TYW3: variants seen among roughly 807,000 people sequenced by gnomAD.
TYW3 encodes tRNA wybutosine-synthesizing protein 3 homolog.
TYW3 carries 26 observed loss-of-function variants against 23.1 expected under a neutral mutation model. The observed-to-expected ratio is 1.13, with a 90% CI of 0.83 to 1.56. The LOEUF is 1.56. Ranked by LOEUF, TYW3 falls within the 40% of genes most tolerant of loss-of-function variation. The pLI is 0.00. For missense variants in TYW3, 316 were observed against 311.9 expected (o/e 1.01, Z -0.10); for synonymous variants, 102 against 105.7 (o/e 0.97, Z 0.21).
chr1:74,764,155 G>C lies in TYW3; in HGVS notation c.*42G>C. 6.5e-7 allele frequency: 1 copy of C among 1,529,064 alleles called. No individual in the cohort carries two copies. Among genetic ancestry groups the C allele is most frequent in the Non-Finnish European group, 8.9e-7 (1 of 1,124,470 alleles). 94.7% of individuals were successfully genotyped at this position (1,529,064 alleles called of 1,614,324 possible). A position where few individuals can be genotyped will look rare whatever the true frequency, so the allele number is the denominator to read the frequency against. On this transcript the variant is annotated 3_prime_UTR_variant, in exon 6 of 6. Coordinates refer to ENST00000370867, the MANE Select transcript of TYW3 (RefSeq NM_138467.3). ...GTCTTGGCCGTAATGTTTCTAGTAG[G>C]TTTTATAAAGCTGCTCTTCATAAGA...
At chr1:74,749,889 G>GT (rs1416675145) in intron 4 of TYW3, among the ~76,000 whole-genome samples, 1 of 152,142 alleles carries the variant, frequency 6.6e-6, no homozygotes. Flanking sequence ...CCAGGAGGTG[G>GT]AAGTTGCAGT....
chr1:74,741,165 A>T (rs277399), intron 3 of TYW3, among the ~76,000 whole-genome samples: 151,799 of 152,350 alleles, frequency 1, 75,628 homozygotes, highest in East Asian at 1. Flanking sequence ...TGCTGCTAGA[A>T]AATATGATGA....
At chr1:74,763,812 C>A in intron 5 of TYW3, 82 bp from the exon 6 acceptor site, 1 of 1,054,164 alleles carries the variant, frequency 9.5e-7, no homozygotes, top group Non-Finnish European at 1.4e-6. Context: ...GTCAAATTTA[C>A]ATAACTTATA....
chr1:74,762,274 G>T (rs1266055299), intron 5 of TYW3, among the ~76,000 whole-genome samples: 2 of 152,112 alleles, frequency 1.3e-5, no homozygotes, highest in African/African-American at 4.8e-5. Context: ...GGCTTCGTAA[G>T]TAGAACTTAG....
intron 3 of TYW3, chr1:74,748,515 A>G (rs1465621739): frequency 2.3e-6 from 1 of 444,194 alleles, no homozygotes; most frequent in Non-Finnish European, 4.0e-6. Context: ...TTGTGATTGA[A>G]TTCTACTTTT....
intron 3 of TYW3, among the ~76,000 whole-genome samples, chr1:74,743,601 T>G (rs1414151281): frequency 6.6e-6 from 1 of 152,136 alleles, no homozygotes; most frequent in African/African-American, 2.4e-5. Context: ...ATTCATGGGC[T>G]TTTTCCTAAT....
At chr1:74,747,199 T>C (rs958105145) in intron 3 of TYW3, among the ~76,000 whole-genome samples, 1 of 152,140 alleles carries the variant, frequency 6.6e-6, no homozygotes, top group Non-Finnish European at 1.5e-5. Flanking sequence ...GCAGTGGATG[T>C]GGCAAGAGCT....
chr1:74,745,340 C>A (rs1018434049), intron 3 of TYW3, among the ~76,000 whole-genome samples: 33 of 152,202 alleles, frequency 2.2e-4, no homozygotes, highest in Admixed American at 4.6e-4. Context: ...TTTGGCCCCA[C>A]CCACATCCTG....
At position 74,738,785 on chromosome 1, in the gene TYW3, T is replaced by A. The variant is rs1273074456; in HGVS notation, c.351T>A (p.Ile117=). The A allele has an allele frequency of 6.2e-7, 1 of 1,607,636 alleles. No individual in the cohort carries two copies. Among genetic ancestry groups the A allele is most frequent in the African/African-American group, 1.3e-5 (1 of 74,854 alleles). ...VQCRQLQDAQ[I]LHSMAIDSGF... ...GTCGACAATTGCAGGATGCACAGAT[T>A]CTGGTAAAATTTTGTTGTAATTGTA... The change falls in exon 3 of 6, where the codon ATT becomes ATA. Residue 117 remains isoleucine, a synonymous_variant. Transcript: ENST00000370867.
At chr1:74,748,906 G>A in intron 4 of TYW3, 84 bp downstream of exon 4, 3 of 1,214,320 alleles carry the variant, frequency 2.5e-6, no homozygotes, top group Non-Finnish European at 3.6e-6. Context: ...TGCCTTTAAT[G>A]TCTCCTTTCT....
chr1:74,738,574 AAAT>A (rs1489305449), intron 2 of TYW3, 113 bp from the exon 3 acceptor site: 13 of 586,500 alleles, frequency 2.2e-5, no homozygotes, highest in Non-Finnish European at 3.5e-5. Context: ...ACTGCAGAAA[AAAT>A]ATGCTGAGTG....
chr1:74,750,328 C>T (rs1166539177), intron 4 of TYW3: 1 of 152,276 alleles, frequency 6.6e-6, no homozygotes, highest in African/African-American at 2.4e-5. Flanking sequence ...CTTTGGGAGG[C>T]TGAGGTGGGT....
intron 3 of TYW3, among the ~76,000 whole-genome samples, chr1:74,745,302 G>A (rs994095565): frequency 3.3e-5 from 5 of 152,200 alleles, no homozygotes; most frequent in Non-Finnish European, 7.3e-5. Flanking sequence ...GCCACTGCTG[G>A]CTCGAGTGGC....
chr1:74,762,174 A>ACAGGATGTG lies in TYW3; in HGVS notation c.561-1719_561-1711dup, dbSNP rs555677706. 5.9e-5 allele frequency among the ~76,000 whole-genome samples: 9 copies of ACAGGATGTG among 152,234 alleles called. No individual in the cohort carries two copies. The East Asian group carries it at 1.5e-3, about 26-fold the overall frequency. On this transcript the variant is annotated intron_variant, in intron 5 of 5. Coordinates refer to ENST00000370867, the MANE Select transcript of TYW3 (RefSeq NM_138467.3). Reference sequence around the variant, plus strand: ...TGAGTGCATAAGTTCTTGAAAATGGACAGGATGTGTACTCATCATGTTGTA... The same window carrying ACAGGATGTG: ...TGAGTGCATAAGTTCTTGAAAATGGACAGGATGTGCAGGATGTGTACTCATCATGTTGTA...
chr1:74,748,735 T>C lies in TYW3; in HGVS notation c.355-16T>C, dbSNP rs755791502. On this transcript the variant is annotated splice_polypyrimidine_tract_variant and intron_variant, in intron 3 of 5. Coordinates refer to ENST00000370867, the MANE Select transcript of TYW3 (RefSeq NM_138467.3). ...ACCCACAGTATCAAAATGTAACAAG[T>C]TTTATTTTCTTACAGCATTCCATGG... 10 of 1,612,770 alleles carry C rather than the reference T, an allele frequency of 6.2e-6. No homozygotes were observed. The East Asian group carries it at 1.6e-4, about 25-fold the overall frequency.
chr1:74,752,733 G>T (rs1648830238), intron 5 of TYW3, among the ~76,000 whole-genome samples: 1 of 152,068 alleles, frequency 6.6e-6, no homozygotes, highest in Admixed American at 6.6e-5. Flanking sequence ...GCAGCCACAG[G>T]AACTGTAACT....
At chr1:74,738,848 G>A in intron 3 of TYW3, 60 bp downstream of exon 3, 2 of 1,254,786 alleles carry the variant, frequency 1.6e-6, no homozygotes, top group Non-Finnish European at 2.3e-6. Flanking sequence ...GTAATTTTAA[G>A]CTTTTAACCT....
chr1:74,743,090 T>C (rs1483368670), intron 3 of TYW3, among the ~76,000 whole-genome samples: 16 of 152,186 alleles, frequency 1.1e-4, no homozygotes, highest in Admixed American at 1.0e-3. Flanking sequence ...GTTTGTTCTC[T>C]GGGGCAGTGC....
At chr1:74,738,129 C>A (rs1648217083) in intron 2 of TYW3, among the ~76,000 whole-genome samples, 2 of 150,838 alleles carry the variant, frequency 1.3e-5, no homozygotes, top group East Asian at 2.1e-4. Context: ...AACAAAAAAA[C>A]TGCAAGTTGC....
Sources: gnomAD v4.1 joint callset for allele counts (sites outside exome capture counted in the v4.1 genomes callset) on GRCh38, gnomAD v4.1.1 for gene constraint, MANE v1.5 for transcripts, NCBI Gene and HGNC (gene_info 2026-07-23, HGNC 2026-07-21) for gene names.